ITSN1: variants seen among roughly 807,000 people sequenced by gnomAD.
The protein encoded by ITSN1 is intersectin 1, also known as intersectin-1.
Under a neutral mutation model 239.8 loss-of-function variants are expected in ITSN1, and 58 were observed. The ratio of observed to expected loss-of-function variants is 0.24; its 90% CI spans 0.20 to 0.30. ITSN1 has a LOEUF of 0.30. Ranked by LOEUF, ITSN1 falls within the 10% of genes least tolerant of loss-of-function variation. The pLI, the probability that ITSN1 is intolerant of heterozygous loss-of-function variation, is 1.00. For missense variants in ITSN1, 1,558 were observed against 2,103.3 expected, an observed-to-expected ratio of 0.74 and a Z score of 5.07; for synonymous variants, 780 against 770.8, an observed-to-expected ratio of 1.01 and a Z score of -0.20.
At chr21:33,812,294 C>T (rs536966479) in intron 21 of ITSN1, among the ~76,000 whole-genome samples, 1 of 152,190 alleles carries the variant, frequency 6.6e-6, no homozygotes, top group South Asian at 2.1e-4. Flanking sequence ...ATTTGTTTTG[C>T]TGGGGATCAA....
At chr21:33,867,423 C>G in intron 33 of ITSN1, 92 bp downstream of exon 33, 1 of 770,280 alleles carries the variant, frequency 1.3e-6, no homozygotes, top group Non-Finnish European at 2.3e-6. Context: ...GTGAACATAT[C>G]TGGTAACTGT....
In ITSN1 at chr21:33,897,483, C is replaced by G. The variant is rs965912314; in HGVS notation, c.*9183C>G. The G allele has an allele frequency of 6.6e-6, 1 of 152,200 alleles. No homozygotes were observed. The highest frequency in any genetic ancestry group is 2.4e-5 in the African/African-American group (1 of 41,428). 9.4% of individuals were successfully genotyped at this position (152,200 alleles called of 1,614,324 possible). On this transcript the variant is annotated 3_prime_UTR_variant, in exon 40 of 40. Transcript: ENST00000381318. ...GATAATCAGCTCAGTTTCCGGTTTT[C>G]TACATTCTGTGCTGTTTCCAGCTAA...
intron 1 of ITSN1, among the ~76,000 whole-genome samples, chr21:33,649,021 A>T (rs576611604): frequency 6.6e-6 from 1 of 152,304 alleles, no homozygotes; most frequent in East Asian, 1.9e-4. Context: ...GAAAAACAGG[A>T]TTAGAGTGCT....
At chr21:33,844,937 C>A (rs1236576486) in intron 29 of ITSN1, among the ~76,000 whole-genome samples, 1 of 152,060 alleles carries the variant, frequency 6.6e-6, no homozygotes, top group Non-Finnish European at 1.5e-5. Context: ...CATCCTGCAT[C>A]CTGTCTTCTC....
chr21:33,708,575 C>CA (rs1555882265), intron 1 of ITSN1, among the ~76,000 whole-genome samples: 5 of 152,136 alleles, frequency 3.3e-5, no homozygotes, highest in Non-Finnish European at 5.9e-5. Flanking sequence ...TTAGTAGAGA[C>CA]GGGTTTCTCC....
At chr21:33,705,573 T>TA (rs1472202456) in intron 1 of ITSN1, among the ~76,000 whole-genome samples, 1 of 152,020 alleles carries the variant, frequency 6.6e-6, no homozygotes, top group African/African-American at 2.4e-5. Flanking sequence ...TTTGTATTTT[T>TA]AGTAGAGACA....
At chr21:33,811,482 T>C (rs1569229867) in intron 21 of ITSN1, among the ~76,000 whole-genome samples, 2 of 152,236 alleles carry the variant, frequency 1.3e-5, no homozygotes, top group Admixed American at 1.3e-4. Flanking sequence ...TGTATTTGTA[T>C]CTATCATTCT....
At chr21:33,711,239 G>A (rs2092406164) in intron 1 of ITSN1, among the ~76,000 whole-genome samples, 1 of 151,582 alleles carries the variant, frequency 6.6e-6, no homozygotes, top group Non-Finnish European at 1.5e-5. Context: ...TTTTTTAAAT[G>A]TTTGTAGGAT....
intron 4 of ITSN1, among the ~76,000 whole-genome samples, chr21:33,725,582 A>G (rs2065783731): frequency 6.6e-6 from 1 of 152,178 alleles, no homozygotes; most frequent in South Asian, 2.1e-4. Context: ...TGACAGAGCA[A>G]GACCCTGTCT....
intron 16 of ITSN1, among the ~76,000 whole-genome samples, chr21:33,789,694 A>G (rs1044154847): frequency 6.6e-6 from 1 of 152,194 alleles, no homozygotes; most frequent in African/African-American, 2.4e-5. Context: ...TGTTTCACAT[A>G]ATACATGTAT....
chr21:33,690,833 A>G (rs2091504905), intron 1 of ITSN1, among the ~76,000 whole-genome samples: 1 of 70,642 alleles, frequency 1.4e-5, no homozygotes, highest in Non-Finnish European at 2.9e-5. Flanking sequence ...ATATATATAT[A>G]TATATGTAAA....
At chr21:33,822,435 TA>T (rs1221225548) in intron 24 of ITSN1, among the ~76,000 whole-genome samples, 1 of 152,094 alleles carries the variant, frequency 6.6e-6, no homozygotes, top group Non-Finnish European at 1.5e-5. Flanking sequence ...TCTGTTGCTT[TA>T]AAAAAATACA....
At chr21:33,669,045 C>G (rs1034752710) in intron 1 of ITSN1, among the ~76,000 whole-genome samples, 1 of 152,216 alleles carries the variant, frequency 6.6e-6, no homozygotes, top group Admixed American at 6.5e-5. Context: ...CCTGTCCAAA[C>G]ATTCTGGTTT....
intron 29 of ITSN1, among the ~76,000 whole-genome samples, chr21:33,845,099 A>T (rs1243869479): frequency 6.6e-6 from 1 of 151,822 alleles, no homozygotes; most frequent in Non-Finnish European, 1.5e-5. Context: ...AGCAGAGGAG[A>T]TGCCTAGAAC....
intron 21 of ITSN1, among the ~76,000 whole-genome samples, chr21:33,812,327 A>G (rs1215397132): frequency 6.6e-6 from 1 of 152,148 alleles, no homozygotes; most frequent in African/African-American, 2.4e-5. Context: ...CTTCTTCAAT[A>G]TATGTATGGT....
At chr21:33,735,229 C>T (rs1418592279) in intron 5 of ITSN1, 25 bp downstream of exon 5, 1 of 1,601,908 alleles carries the variant, frequency 6.2e-7, no homozygotes, top group Admixed American at 1.7e-5. Flanking sequence ...GAATTGGTTT[C>T]TGTATTTTCT....
intron 1 of ITSN1, among the ~76,000 whole-genome samples, chr21:33,658,023 C>T (rs924004396): frequency 5.9e-5 from 9 of 152,236 alleles, no homozygotes; most frequent in African/African-American, 1.9e-4. Context: ...TCCCCCAAAA[C>T]GTAACTACTA....
chr21:33,779,975 G>A (rs1283087456), intron 14 of ITSN1, among the ~76,000 whole-genome samples: 1 of 152,246 alleles, frequency 6.6e-6, no homozygotes, highest in Middle Eastern at 3.4e-3. Flanking sequence ...GGGATTACAG[G>A]CAAGCGCCAC....
At chr21:33,782,299 A>G (rs1044423499) in intron 16 of ITSN1, among the ~76,000 whole-genome samples, 166 bp downstream of exon 16, 1 of 152,318 alleles carries the variant, frequency 6.6e-6, no homozygotes, top group Middle Eastern at 3.4e-3. Flanking sequence ...TTTGGCATCT[A>G]TAAATTAGGG....
Sources: allele counts gnomAD v4.1 joint callset (sites outside exome capture counted in the v4.1 genomes callset), GRCh38; gene constraint gnomAD v4.1.1; transcripts MANE v1.5; gene names NCBI Gene and HGNC (gene_info 2026-07-23, HGNC 2026-07-21).